CNTN3: variants seen among roughly 807,000 people sequenced by gnomAD.
CNTN3 encodes the protein contactin-3.
CNTN3 carries 60 observed loss-of-function variants against 119.1 expected under a neutral mutation model. That is an observed-to-expected ratio of 0.50 (90% confidence interval 0.41 to 0.62). The LOEUF is 0.62. Ranked by LOEUF, CNTN3 falls within the 20% of genes least tolerant of loss-of-function variation. The pLI is 0.00. For missense variants in CNTN3, 1,101 were observed against 1,242.4 expected, an observed-to-expected ratio of 0.89 and a Z score of 1.71; for synonymous variants, 450 against 438.7, an observed-to-expected ratio of 1.03 and a Z score of -0.32.
intron 11 of CNTN3, among the ~76,000 whole-genome samples, chr3:74,343,670 TGA>T (rs1188250216): frequency 1.4e-4 from 22 of 152,362 alleles, no homozygotes; most frequent in African/African-American, 5.0e-4. Context: ...GGTAGGGCTA[TGA>T]ATCACGGTGT....
rs1012448721 is a variant in CNTN3, at chr3:74,303,642, G to A, written c.1669-835C>T. Reference sequence around the variant, plus strand: ...TGGGAGGTGGAGGTTGCAGTGAGCCGAGATCAAGATCACACCACTGCACTC... The same window carrying A: ...TGGGAGGTGGAGGTTGCAGTGAGCCAAGATCAAGATCACACCACTGCACTC... On this transcript the variant is annotated intron_variant, in intron 13 of 22. Transcript: ENST00000263665. Among the ~76,000 whole-genome samples the A allele has an allele frequency of 3.9e-5, 6 of 152,054 alleles. 1 individual carries two copies. The highest frequency in any genetic ancestry group is 3.9e-4 in the Admixed American group (6 of 15,264).
intron 19 of CNTN3, among the ~76,000 whole-genome samples, chr3:74,293,876 T>G (rs1702282436): frequency 6.6e-6 from 1 of 152,210 alleles, no homozygotes. Flanking sequence ...GTCCTGCCTG[T>G]CCATGGCCTT....
intron 20 of CNTN3, among the ~76,000 whole-genome samples, chr3:74,269,449 A>G (rs1701725802): frequency 6.6e-6 from 1 of 152,156 alleles, no homozygotes; most frequent in African/African-American, 2.4e-5. Flanking sequence ...TTAGTAACTA[A>G]TACTTAGTAC....
chr3:74,311,503 A>G lies in CNTN3; in HGVS notation c.1669-8696T>C, dbSNP rs573129925. On this transcript the variant is annotated intron_variant, in intron 13 of 22. Coordinates refer to ENST00000263665, the MANE Select transcript of CNTN3 (RefSeq NM_020872.3). ...TGAGTCTCTGAGTCTAAACTTTTCAATAACCCCAAATGAACCATTTATTAT... is the reference window on the plus strand; with the variant it reads ...TGAGTCTCTGAGTCTAAACTTTTCAGTAACCCCAAATGAACCATTTATTAT... Among the ~76,000 whole-genome samples, 22 of 152,378 alleles carry G rather than the reference A, an allele frequency of 1.4e-4. No individual in the cohort carries two copies. The South Asian group carries it at 4.6e-3, about 32-fold the overall frequency.
intron 4 of CNTN3, among the ~76,000 whole-genome samples, chr3:74,444,264 C>T (rs1450510692): frequency 1.3e-5 from 2 of 151,702 alleles, no homozygotes; most frequent in East Asian, 1.9e-4. Context: ...TGGGGGAGGA[C>T]TTCATCATGT....
intron 4 of CNTN3, among the ~76,000 whole-genome samples, chr3:74,451,272 G>A (rs1702149052): frequency 1.3e-5 from 2 of 152,176 alleles, no homozygotes; most frequent in South Asian, 4.1e-4. Flanking sequence ...CAGTGATGGT[G>A]AGCATTTTTT....
chr3:74,461,865 A>AT (rs1401461077), intron 4 of CNTN3, among the ~76,000 whole-genome samples: 2 of 152,090 alleles, frequency 1.3e-5, no homozygotes, highest in African/African-American at 4.8e-5. Flanking sequence ...ATTCTTCAAC[A>AT]TAACTACAAG....
chr3:74,521,160 T>C lies in CNTN3; in HGVS notation c.-48A>G, dbSNP rs779551296. On this transcript the variant is annotated 5_prime_UTR_variant, in exon 2 of 23. Coordinates refer to ENST00000263665, the MANE Select transcript of CNTN3 (RefSeq NM_020872.3). ...TAACTCTTGTCCAGTCTCTGATGAA[T>C]AGAATGCTTTCTCTTCAGGTAAATC... 2.7e-6 allele frequency: 3 copies of C among 1,119,400 alleles called. No homozygotes were observed. The highest frequency in any genetic ancestry group is 2.9e-5 in the South Asian group (2 of 68,190). The allele number at this position is 1,119,400 out of a possible 1,614,324, so 69.3% of individuals were successfully genotyped here.
chr3:74,585,415 G>A (rs1704577313), intron 1 of CNTN3, among the ~76,000 whole-genome samples: 1 of 152,096 alleles, frequency 6.6e-6, no homozygotes, highest in South Asian at 2.1e-4. Flanking sequence ...AGGAATCTTG[G>A]CAAACTACAG....
At chr3:74,412,352 C>T (rs9823060) in intron 5 of CNTN3, among the ~76,000 whole-genome samples, 1 of 152,104 alleles carries the variant, frequency 6.6e-6, no homozygotes, top group Non-Finnish European at 1.5e-5. Context: ...TGTTTAATTA[C>T]TTCAGAAAAA....
At chr3:74,393,628 G>C (rs1398650978) in intron 5 of CNTN3, among the ~76,000 whole-genome samples, 1 of 152,140 alleles carries the variant, frequency 6.6e-6, no homozygotes, top group African/African-American at 2.4e-5. Context: ...CCCTCAGGCA[G>C]GACTGAGGCT....
Position 74,267,486 on chromosome 3 carries a change from C to A in CNTN3, c.2705-108G>T, listed in dbSNP as rs918369857. 8.1e-6 allele frequency: 6 copies of A among 739,064 alleles called. No homozygotes were observed. In the African/African-American group the frequency reaches 1.0e-4, roughly 13 times the overall value. 45.8% of individuals were successfully genotyped at this position (739,064 alleles called of 1,614,324 possible). The stretch of plus-strand genomic sequence containing the variant: ...AAGCTAGTGGAAGTAGAACGGGATG[C>A]CTTTGGTAATGCTTGGTGTAATAGA... On this transcript the variant is annotated intron_variant, in intron 20 of 22. Transcript: ENST00000263665.
chr3:74,328,796 CATT>C (rs2106693971), intron 13 of CNTN3, among the ~76,000 whole-genome samples: 1 of 152,240 alleles, frequency 6.6e-6, no homozygotes, highest in East Asian at 1.9e-4. Context: ...CAGCAAATAA[CATT>C]ATGGGAAGAG....
chr3:74,598,163 G>A (rs1047607367), intron 1 of CNTN3, among the ~76,000 whole-genome samples: 1 of 152,030 alleles, frequency 6.6e-6, no homozygotes, highest in Non-Finnish European at 1.5e-5. Flanking sequence ...GGGAGGTGAT[G>A]CTCTGCCAGT....
intron 4 of CNTN3, among the ~76,000 whole-genome samples, chr3:74,448,267 A>C (rs545942481): frequency 6.6e-6 from 1 of 152,270 alleles, no homozygotes; most frequent in South Asian, 2.1e-4. Context: ...CAAGTAGATA[A>C]GTTTCTTTTA....
At chr3:74,277,913 G>A (rs1316989699) in intron 20 of CNTN3, among the ~76,000 whole-genome samples, 1 of 151,788 alleles carries the variant, frequency 6.6e-6, no homozygotes, top group African/African-American at 2.4e-5. Flanking sequence ...AAATAATTCA[G>A]CAGTTTCCAG....
At chr3:74,568,457 G>A (rs1442335502) in intron 1 of CNTN3, among the ~76,000 whole-genome samples, 3 of 152,176 alleles carry the variant, frequency 2.0e-5, no homozygotes, top group African/African-American at 7.2e-5. Context: ...AACAAACTCA[G>A]CCTACTCCAT....
At chr3:74,310,725 A>G (rs1330722951) in intron 13 of CNTN3, among the ~76,000 whole-genome samples, 1 of 152,190 alleles carries the variant, frequency 6.6e-6, no homozygotes, top group Admixed American at 6.5e-5. Flanking sequence ...AAAGTATACT[A>G]AATTTCAGGA....
At chr3:74,431,092 G>A (rs12488030) in intron 4 of CNTN3, among the ~76,000 whole-genome samples, 55,409 of 151,874 alleles carry the variant, frequency 0.36, 11,271 homozygotes, top group East Asian at 0.58. Context: ...ACCATTTCTG[G>A]TGTATAAAAG....
Sources: gnomAD v4.1 joint callset for allele counts (sites outside exome capture counted in the v4.1 genomes callset) on GRCh38, gnomAD v4.1.1 for gene constraint, MANE v1.5 for transcripts, NCBI Gene and HGNC (gene_info 2026-07-23, HGNC 2026-07-21) for gene names.